FAT3: variants seen among roughly 807,000 people sequenced by gnomAD.
FAT3 encodes FAT atypical cadherin 3, also known as protocadherin Fat 3.
A neutral mutation model predicts 310.2 loss-of-function variants in FAT3; 95 were observed. The ratio of observed to expected loss-of-function variants is 0.31; its 90% CI spans 0.26 to 0.36. FAT3 has a LOEUF of 0.36. Ranked by LOEUF, FAT3 falls within the 10% of genes least tolerant of loss-of-function variation. The probability of loss-of-function intolerance (pLI) is 1.00; values close to 1 mark genes in which losing one functional copy is unlikely to be tolerated. For missense variants in FAT3, 5,408 were observed against 5,715.6 expected, an observed-to-expected ratio of 0.95 and a Z score of 1.74; for synonymous variants, 2,314 against 2,192.9, an observed-to-expected ratio of 1.06 and a Z score of -1.54.
chr11:92,494,015 T>C (rs1055388835), intron 2 of FAT3, among the ~76,000 whole-genome samples: 3 of 144,646 alleles, frequency 2.1e-5, no homozygotes, highest in Non-Finnish European at 4.5e-5. Flanking sequence ...GCAAATTGTG[T>C]AAGTTATCTG....
intron 1 of FAT3, among the ~76,000 whole-genome samples, chr11:92,331,859 A>G (rs770963748): frequency 6.6e-6 from 1 of 152,248 alleles, no homozygotes; most frequent in Non-Finnish European, 1.5e-5. Flanking sequence ...ACAGTAATAC[A>G]TATATAAAGT....
intron 13 of FAT3, among the ~76,000 whole-genome samples, chr11:92,826,561 G>T (rs1345360680): frequency 6.6e-6 from 1 of 152,136 alleles, no homozygotes; most frequent in Non-Finnish European, 1.5e-5. Flanking sequence ...GAATGTATGA[G>T]GTAGAGACTT....
In FAT3 at chr11:92,890,669, A is replaced by G. The variant is rs1949897192; in HGVS notation, c.13326A>G (p.Glu4442=). ...ACAGTGAATACCCACCCCCTCATGA[A>G]GAGGAGTTCTTGAGTCAGGACCAGC... ...DIDSEYPPPH[E]EEFLSQDQLP... is the part of the protein sequence containing the mutation. Residue 4442 remains glutamate (E), a synonymous_variant, in exon 28 of 28, where the codon GAA becomes GAG. Coordinates refer to ENST00000525166, the MANE Select transcript of FAT3 (RefSeq NM_001367949.2). 8 of 1,613,748 alleles carry G rather than the reference A, an allele frequency of 5.0e-6. No homozygotes were observed. The highest frequency in any genetic ancestry group is 6.8e-6 in the Non-Finnish European group (8 of 1,179,820).
chr11:92,268,586 A>C (rs912651013), intron 1 of FAT3, among the ~76,000 whole-genome samples: 1 of 152,082 alleles, frequency 6.6e-6, no homozygotes, highest in African/African-American at 2.4e-5. Context: ...CGTAGATAGA[A>C]GCTAATTGAG....
intron 19 of FAT3, among the ~76,000 whole-genome samples, chr11:92,848,054 T>C (rs779723071): frequency 6.6e-6 from 1 of 152,122 alleles, no homozygotes; most frequent in Non-Finnish European, 1.5e-5. Flanking sequence ...CTTGGTGGAA[T>C]AATTAGCATG....
At chr11:92,718,983 C>T (rs1376041180) in intron 4 of FAT3, among the ~76,000 whole-genome samples, 2 of 152,134 alleles carry the variant, frequency 1.3e-5, no homozygotes, top group African/African-American at 2.4e-5. Context: ...TGAGCTATGT[C>T]CTTGTATCAA....
At chr11:92,491,052 G>A (rs1952584314) in intron 2 of FAT3, among the ~76,000 whole-genome samples, 1 of 151,938 alleles carries the variant, frequency 6.6e-6, no homozygotes, top group Admixed American at 6.6e-5. Flanking sequence ...TTGCCTAGAG[G>A]ACCATTATTG....
At chr11:92,267,601 TC>T (rs1397460676) in intron 1 of FAT3, among the ~76,000 whole-genome samples, 2 of 151,778 alleles carry the variant, frequency 1.3e-5, no homozygotes, top group Non-Finnish European at 2.9e-5. Context: ...TGGGAAATGA[TC>T]CCAAAGAAAA....
chr11:92,504,174 G>A (rs1246312153), intron 2 of FAT3, among the ~76,000 whole-genome samples: 1 of 152,138 alleles, frequency 6.6e-6, no homozygotes, highest in East Asian at 1.9e-4. Flanking sequence ...TTGTGCCATG[G>A]AAAACACAAT....
At chr11:92,864,347 G>A (rs1949186414) in intron 21 of FAT3, among the ~76,000 whole-genome samples, 1 of 152,122 alleles carries the variant, frequency 6.6e-6, no homozygotes, top group South Asian at 2.1e-4. Context: ...ACAGCAGGTG[G>A]ACTGTGCCAG....
Position 92,524,792 on chromosome 11 carries a change from C to T in FAT3, c.3451C>T (p.Pro1151Ser). ...VNDNAPLTSE[P>S]IYYPVVMENS... The stretch of plus-strand genomic sequence containing the variant: ...TGACAATGCCCCGCTGACCTCAGAA[C>T]CTATATATTATCCTGTTGTCATGGA... Residue 1151 changes from proline to serine, a missense_variant, in exon 3 of 28, where the codon CCT becomes TCT. Pro to Ser is a moderately conservative substitution (Grantham distance 74, BLOSUM62 -1). Around this residue, in one of 5 missense-constraint regions of FAT3, gnomAD observed 4,588 missense variants for 4,809.8 expected, o/e 0.95. Coordinates refer to ENST00000525166, the MANE Select transcript of FAT3 (RefSeq NM_001367949.2). The T allele has an allele frequency of 6.2e-7, 1 of 1,613,750 alleles. No individual in the cohort carries two copies. Among genetic ancestry groups the T allele is most frequent in the Non-Finnish European group, 8.5e-7 (1 of 1,179,818 alleles).
intron 1 of FAT3, among the ~76,000 whole-genome samples, chr11:92,333,993 G>T (rs1012400342): frequency 1.3e-5 from 2 of 152,078 alleles, no homozygotes; most frequent in East Asian, 3.9e-4. Flanking sequence ...AATTGAATTG[G>T]TAAGCAATGT....
intron 4 of FAT3, among the ~76,000 whole-genome samples, chr11:92,701,059 G>A (rs1458674963): frequency 6.6e-6 from 1 of 152,162 alleles, no homozygotes; most frequent in Admixed American, 6.5e-5. Flanking sequence ...GTAAGGCCTA[G>A]GTGTGGGTAA....
intron 2 of FAT3, among the ~76,000 whole-genome samples, chr11:92,432,799 G>A (rs1386500783): frequency 6.6e-6 from 1 of 152,166 alleles, no homozygotes; most frequent in Non-Finnish European, 1.5e-5. Context: ...GAGCCGGTAG[G>A]GAGGAACGTT....
At chr11:92,565,453 G>A (rs1955396158) in intron 3 of FAT3, among the ~76,000 whole-genome samples, 1 of 140,062 alleles carries the variant, frequency 7.1e-6, no homozygotes, top group Non-Finnish European at 1.6e-5. Flanking sequence ...AATTCTACCA[G>A]AGGTACAAGG....
intron 1 of FAT3, among the ~76,000 whole-genome samples, chr11:92,250,423 C>G (rs1046431027): frequency 1.3e-5 from 2 of 151,920 alleles, no homozygotes; most frequent in African/African-American, 4.8e-5. Flanking sequence ...ATGGAAAGGC[C>G]TATGCAGTTG....
At chr11:92,758,486 A>G (rs939813170) in intron 4 of FAT3, among the ~76,000 whole-genome samples, 2 of 152,208 alleles carry the variant, frequency 1.3e-5, no homozygotes, top group Non-Finnish European at 2.9e-5. Context: ...AGAGCATGGC[A>G]TGCTCAGGAC....
chr11:92,707,642 G>A (rs183012386), intron 4 of FAT3, among the ~76,000 whole-genome samples: 84 of 152,214 alleles, frequency 5.5e-4, no homozygotes, highest in East Asian at 2.9e-3. Context: ...CTTCTTCCCC[G>A]TAGTGCAATG....
chr11:92,487,103 A>G (rs962502689), intron 2 of FAT3, among the ~76,000 whole-genome samples: 1 of 152,160 alleles, frequency 6.6e-6, no homozygotes, highest in East Asian at 1.9e-4. Context: ...TGGGGTCCCC[A>G]CTTAGTAATC....
Sources: allele counts gnomAD v4.1 joint callset (sites outside exome capture counted in the v4.1 genomes callset), GRCh38; gene constraint gnomAD v4.1.1; regional missense constraint gnomAD v4.1.1; transcripts MANE v1.5; gene names NCBI Gene and HGNC (gene_info 2026-07-23, HGNC 2026-07-21).